Variants in CDC42SE2 observed in about 807,000 individuals in gnomAD.
CDC42SE2 encodes CDC42 small effector 2, also known as CDC42 small effector protein 2.
In CDC42SE2, 3 loss-of-function variants were observed where a neutral mutation model predicts 11.5. That is an observed-to-expected ratio of 0.26 (90% confidence interval 0.12 to 0.67). The LOEUF is 0.67. Ranked by LOEUF, CDC42SE2 falls within the 30% of genes least tolerant of loss-of-function variation. The probability of loss-of-function intolerance (pLI) is 0.80; values close to 1 mark genes in which losing one functional copy is unlikely to be tolerated. For synonymous variants in CDC42SE2, 33 were observed against 34.8 expected (o/e 0.95, Z 0.18); for missense variants, 82 against 106.8 (o/e 0.77, Z 1.02).
At chr5:131,317,073 G>A (rs778035516) in intron 2 of CDC42SE2, among the ~76,000 whole-genome samples, 1 of 151,984 alleles carries the variant, frequency 6.6e-6, no homozygotes, top group African/African-American at 2.4e-5. Flanking sequence ...ATAAGTATTT[G>A]AAAAACCAAT....
chr5:131,300,782 CAAAA>C (rs1436586334), intron 1 of CDC42SE2, among the ~76,000 whole-genome samples: 1 of 87,420 alleles, frequency 1.1e-5, no homozygotes, highest in Non-Finnish European at 2.5e-5. Flanking sequence ...GACTCCGTCT[CAAAA>C]AAAAAAAAAA....
chr5:131,334,060 T>C (rs1281173622), intron 2 of CDC42SE2, among the ~76,000 whole-genome samples: 2 of 152,150 alleles, frequency 1.3e-5, no homozygotes, highest in African/African-American at 2.4e-5. Context: ...AAGGGAATGC[T>C]TCCAGTTTTT....
At chr5:131,246,839 G>C (rs183101951) in intron 1 of CDC42SE2, among the ~76,000 whole-genome samples, 1 of 151,226 alleles carries the variant, frequency 6.6e-6, no homozygotes, top group Non-Finnish European at 1.5e-5. Flanking sequence ...TGCCTCCGGG[G>C]TTCAAGAGAT....
intron 1 of CDC42SE2, among the ~76,000 whole-genome samples, chr5:131,291,886 T>C (rs1231778683): frequency 6.6e-6 from 1 of 152,150 alleles, no homozygotes; most frequent in Non-Finnish European, 1.5e-5. Flanking sequence ...GGGGAGAAAT[T>C]AGTTAGGAAA....
chr5:131,254,553 AAGAG>A (rs1305182496), intron 1 of CDC42SE2, among the ~76,000 whole-genome samples: 1 of 151,822 alleles, frequency 6.6e-6, no homozygotes, highest in African/African-American at 2.4e-5. Context: ...AAAAAAAAAA[AAGAG>A]AGACAGAAAG....
the CDC42SE2 span, among the ~76,000 whole-genome samples, chr5:131,218,659 G>C: frequency 2.6e-5 from 4 of 152,204 alleles, no homozygotes; most frequent in Non-Finnish European, 4.4e-5. Flanking sequence ...TTCATACCAT[G>C]AGATACTATA....
intron 1 of CDC42SE2, among the ~76,000 whole-genome samples, chr5:131,301,757 CAAA>C (rs776546882): frequency 9.4e-6 from 1 of 106,396 alleles, no homozygotes. Flanking sequence ...GACTCCGTCT[CAAA>C]AAAAAAAAAA....
chr5:131,278,945 C>T (rs905678741), intron 1 of CDC42SE2, among the ~76,000 whole-genome samples: 6 of 149,368 alleles, frequency 4.0e-5, no homozygotes, highest in East Asian at 4.0e-4. Context: ...CCACCACGCC[C>T]GACTAATTTT....
chr5:131,218,153 G>A, the CDC42SE2 span, among the ~76,000 whole-genome samples: 1 of 145,038 alleles, frequency 6.9e-6, no homozygotes, highest in African/African-American at 2.7e-5. Context: ...CTCCAGGCTG[G>A]GCAAAAGGAA....
At chr5:131,368,525 G>T (rs1749927794) in intron 3 of CDC42SE2, among the ~76,000 whole-genome samples, 1 of 152,178 alleles carries the variant, frequency 6.6e-6, no homozygotes, top group African/African-American at 2.4e-5. Context: ...TTTAAAATTA[G>T]TTTGTCAGGT....
chr5:131,392,386 A>G lies in CDC42SE2; in HGVS notation c.*1295A>G, dbSNP rs1303702064. 1 of 152,790 alleles carries G rather than the reference A, an allele frequency of 6.5e-6. No individual in the cohort carries two copies. Among genetic ancestry groups the G allele is most frequent in the Non-Finnish European group, 1.5e-5 (1 of 68,042 alleles). 9.5% of individuals were successfully genotyped at this position (152,790 alleles called of 1,614,324 possible). A position where few individuals can be genotyped will look rare whatever the true frequency, so the allele number is the denominator to read the frequency against. ...CTTCGGTAAGAGCCCATGGGATGCC[A>G]GAAATTAACATTTCTTTGCTGCCAT... On this transcript the variant is annotated 3_prime_UTR_variant, in exon 5 of 5. Transcript: ENST00000505065.
upstream of CDC42SE2, among the ~76,000 whole-genome samples, chr5:131,244,944 A>G (rs1279553211): frequency 6.6e-6 from 1 of 152,206 alleles, no homozygotes; most frequent in Non-Finnish European, 1.5e-5. Context: ...AAGGGACAGC[A>G]GGAGCTGTTC....
At chr5:131,245,213 G>T (rs376887961), upstream of CDC42SE2, among the ~76,000 whole-genome samples, 1 of 152,280 alleles carries the variant, frequency 6.6e-6, no homozygotes, top group South Asian at 2.1e-4. Context: ...TCTTACAAGT[G>T]GTTATTTTCG....
intron 1 of CDC42SE2, among the ~76,000 whole-genome samples, chr5:131,313,955 G>A (rs1188284526): frequency 6.6e-6 from 1 of 152,130 alleles, no homozygotes; most frequent in Non-Finnish European, 1.5e-5. Context: ...GGCCTTCCGA[G>A]TAGCTGGGAT....
the CDC42SE2 span, among the ~76,000 whole-genome samples, chr5:131,239,858 C>T: frequency 3.9e-4 from 60 of 152,262 alleles, no homozygotes; most frequent in Non-Finnish European, 8.1e-4. Flanking sequence ...GAGCGAGCTT[C>T]CTTGACTCTT....
At chr5:131,236,142 T>A in the CDC42SE2 span, among the ~76,000 whole-genome samples, 1 of 152,188 alleles carries the variant, frequency 6.6e-6, no homozygotes, top group Admixed American at 6.5e-5. Flanking sequence ...TTTCTCAGAT[T>A]GTCATTTGTC....
At chr5:131,276,672 C>G (rs1487222146) in intron 1 of CDC42SE2, among the ~76,000 whole-genome samples, 1 of 151,466 alleles carries the variant, frequency 6.6e-6, no homozygotes, top group African/African-American at 2.4e-5. Flanking sequence ...TATATCTTTA[C>G]AGTTTTTGTA....
chr5:131,351,093 T>G (rs192647474), intron 2 of CDC42SE2, among the ~76,000 whole-genome samples: 2 of 151,768 alleles, frequency 1.3e-5, no homozygotes, highest in East Asian at 3.9e-4. Flanking sequence ...ACTACAGGTG[T>G]GTGCAACCAT....
chr5:131,322,052 G>A (rs541396326), intron 2 of CDC42SE2, among the ~76,000 whole-genome samples: 21 of 151,624 alleles, frequency 1.4e-4, no homozygotes, highest in Admixed American at 7.2e-4. Flanking sequence ...GGGTTTCACC[G>A]TGTTAGCCAG....
Sources: gnomAD v4.1 joint callset for allele counts (sites outside exome capture counted in the v4.1 genomes callset) on GRCh38, gnomAD v4.1.1 for gene constraint, MANE v1.5 for transcripts, NCBI Gene and HGNC (gene_info 2026-07-23, HGNC 2026-07-21) for gene names.